The following ILDR2 variants were observed in gnomAD, a reference collection of about 807,000 sequenced individuals.
The protein encoded by ILDR2 is immunoglobulin-like domain-containing receptor 2.
Under a neutral mutation model 66.8 loss-of-function variants are expected in ILDR2, and 25 were observed. The observed-to-expected ratio is 0.37, with a 90% CI of 0.27 to 0.52. The LOEUF (loss-of-function observed/expected upper bound fraction) is 0.52, where lower values mean the gene tolerates loss of function less well. Ranked by LOEUF, ILDR2 falls within the 20% of genes least tolerant of loss-of-function variation. The pLI is 0.88. For missense variants in ILDR2, 827 were observed against 876.8 expected, an observed-to-expected ratio of 0.94 and a Z score of 0.72; for synonymous variants, 367 against 357.2, an observed-to-expected ratio of 1.03 and a Z score of -0.31.
At chr1:166,907,207 G>A (rs960471541), downstream of ILDR2, 4 of 152,202 alleles carry the variant, frequency 2.6e-5, no homozygotes, top group African/African-American at 9.7e-5. Flanking sequence ...AAAAAAATGT[G>A]TTGATGAGTT....
At chr1:166,946,284 C>T (rs1661606091) in intron 3 of ILDR2, among the ~76,000 whole-genome samples, 1 of 152,088 alleles carries the variant, frequency 6.6e-6, no homozygotes, top group South Asian at 2.1e-4. Flanking sequence ...ATATAGCCCC[C>T]TTTTCTTTTA....
At position 166,913,318 on chromosome 1, in the gene ILDR2, G is replaced by A. The variant is rs565398543; in HGVS notation, c.*6037C>T. On this transcript the variant is annotated 3_prime_UTR_variant, in exon 10 of 10. Coordinates refer to ENST00000271417, the MANE Select transcript of ILDR2 (RefSeq NM_199351.3). ...GTAATACAAACATTTCAGTTTTGAT[G>A]TCACAAGGCACAAAGACAACTGACA... 2.4e-4 allele frequency: 36 copies of A among 152,118 alleles called. No individual in the cohort carries two copies. The highest frequency in any genetic ancestry group is 3.5e-4 in the Non-Finnish European group (24 of 68,018). The allele number at this position is 152,118 out of a possible 1,614,324, so 9.4% of individuals were successfully genotyped here. A position where few individuals can be genotyped will look rare whatever the true frequency, so the allele number is the denominator to read the frequency against.
chr1:166,967,777 C>CAT (rs1663049692), intron 1 of ILDR2, among the ~76,000 whole-genome samples: 1 of 152,040 alleles, frequency 6.6e-6, no homozygotes, highest in African/African-American at 2.4e-5. Flanking sequence ...AAACAAAACA[C>CAT]ATTTCTCCTC....
chr1:166,943,413 A>G (rs938286027), intron 3 of ILDR2, among the ~76,000 whole-genome samples: 2 of 149,242 alleles, frequency 1.3e-5, no homozygotes, highest in African/African-American at 4.9e-5. Context: ...AATGGCGTAA[A>G]CCCGGGAGGC....
At chr1:166,933,894 G>A (rs1660784419) in intron 6 of ILDR2, among the ~76,000 whole-genome samples, 1 of 152,106 alleles carries the variant, frequency 6.6e-6, no homozygotes, top group African/African-American at 2.4e-5. Context: ...TCCTGGGAGA[G>A]AAAAATACAA....
chr1:166,938,816 TCTTG>T (rs1661136054), intron 4 of ILDR2, among the ~76,000 whole-genome samples: 1 of 152,214 alleles, frequency 6.6e-6, no homozygotes, highest in African/African-American at 2.4e-5. Context: ...CACAGTTCAT[TCTTG>T]CTTCTCTCTG....
At position 166,919,269 on chromosome 1, in the gene ILDR2, G is replaced by A. The variant is rs1659760002; in HGVS notation, c.*86C>T. 9 of 1,273,390 alleles carry A rather than the reference G, an allele frequency of 7.1e-6. No individual in the cohort carries two copies. In the East Asian group the frequency reaches 2.2e-4, roughly 31 times the overall value. 78.9% of individuals were successfully genotyped at this position (1,273,390 alleles called of 1,614,324 possible). A position where few individuals can be genotyped will look rare whatever the true frequency, so the allele number is the denominator to read the frequency against. ...TCTTCCAAGGTGATGGCCAGAGAAG[G>A]TCCTGGGCCTGCTGGTTCTTAGATT... is the stretch of plus-strand genomic sequence containing the variant. On this transcript the variant is annotated 3_prime_UTR_variant, in exon 10 of 10. Coordinates refer to ENST00000271417, the MANE Select transcript of ILDR2 (RefSeq NM_199351.3).
chr1:166,970,819 C>T (rs529427722), intron 1 of ILDR2, among the ~76,000 whole-genome samples: 3 of 152,194 alleles, frequency 2.0e-5, no homozygotes, highest in East Asian at 1.9e-4. Context: ...GGGACAATGC[C>T]GAGCTGGGAG....
At chr1:166,970,625 T>C (rs1663229410) in intron 1 of ILDR2, among the ~76,000 whole-genome samples, 1 of 152,182 alleles carries the variant, frequency 6.6e-6, no homozygotes, top group South Asian at 2.1e-4. Context: ...CTGGTACTAA[T>C]ACTAACACTG....
At chr1:166,900,308 G>A (rs986158244) in intron 2 of ILDR2, among the ~76,000 whole-genome samples, 2 of 148,808 alleles carry the variant, frequency 1.3e-5, no homozygotes, top group East Asian at 2.0e-4. Flanking sequence ...CTCACCCATC[G>A]CCCTCTTCAA....
chr1:166,926,743 TC>T (rs980931961), intron 7 of ILDR2, among the ~76,000 whole-genome samples: 13 of 151,920 alleles, frequency 8.6e-5, no homozygotes, highest in African/African-American at 2.9e-4. Flanking sequence ...GGTTCTTTAT[TC>T]AAAGAAAGTT....
At chr1:166,934,502 A>G (rs1010131640) in intron 6 of ILDR2, among the ~76,000 whole-genome samples, 1 of 152,062 alleles carries the variant, frequency 6.6e-6, no homozygotes, top group African/African-American at 2.4e-5. Flanking sequence ...CTCTGGCTCT[A>G]CTGTCTCCCA....
intron 6 of ILDR2, among the ~76,000 whole-genome samples, chr1:166,934,172 C>T (rs529832322): frequency 6.6e-6 from 1 of 152,216 alleles, no homozygotes; most frequent in East Asian, 1.9e-4. Flanking sequence ...TAATGCCCCT[C>T]CACCTCTCCA....
In ILDR2 at chr1:166,936,856, TC is replaced by T; in HGVS notation, c.557-120del. The T allele has an allele frequency of 2.1e-6, 2 of 949,684 alleles. No individual in the cohort carries two copies. Among genetic ancestry groups the T allele is most frequent in the Non-Finnish European group, 3.2e-6 (2 of 619,154 alleles). The allele number at this position is 949,684 out of a possible 1,614,324, so 58.8% of individuals were successfully genotyped here. On this transcript the variant is annotated intron_variant, in intron 4 of 9. Coordinates refer to ENST00000271417, the MANE Select transcript of ILDR2 (RefSeq NM_199351.3). The surrounding 1 kb of genome is among the most constrained non-coding windows in gnomAD (Gnocchi z 5.0). ...GAGGAGGGACCTAGGGAAGAAAGCTTCTCTTAACAGGAGACAGAGCCCCAAC... is the reference window on the plus strand; with the variant it reads ...GAGGAGGGACCTAGGGAAGAAAGCTTTCTTAACAGGAGACAGAGCCCCAAC...
intron 1 of ILDR2, among the ~76,000 whole-genome samples, chr1:166,961,975 T>G (rs1042717331): frequency 6.6e-6 from 1 of 152,180 alleles, no homozygotes; most frequent in Non-Finnish European, 1.5e-5. Flanking sequence ...TGTATACATG[T>G]ACAGGCACAA....
chr1:166,898,747 C>T (rs1364963805), intron 2 of ILDR2, among the ~76,000 whole-genome samples: 1 of 152,030 alleles, frequency 6.6e-6, no homozygotes, highest in Non-Finnish European at 1.5e-5. Context: ...CTAGTATGTA[C>T]TTAGTGTTAA....
intron 5 of ILDR2, among the ~76,000 whole-genome samples, chr1:166,935,733 T>A (rs1187031084): frequency 6.6e-6 from 1 of 152,194 alleles, no homozygotes; most frequent in African/African-American, 2.4e-5. Flanking sequence ...AATTAAGTGG[T>A]TCTGGGAGCT....
intron 4 of ILDR2, among the ~76,000 whole-genome samples, chr1:166,938,170 C>G (rs573555227): frequency 1.8e-3 from 269 of 152,338 alleles, no homozygotes; most frequent in African/African-American, 5.8e-3. Context: ...TAGCAGAAGG[C>G]TTTGGCCTAA....
chr1:166,939,585 A>G lies in ILDR2; in HGVS notation c.500-15T>C. On this transcript the variant is annotated splice_polypyrimidine_tract_variant and intron_variant, in intron 3 of 9. Transcript: ENST00000271417. Reference sequence around the variant, plus strand: ...CCCTGTCCTGCCTAGAAGAAGTGGAAGGAAAAGAAGAAGGAAAGTGGTTAT... The same window carrying G: ...CCCTGTCCTGCCTAGAAGAAGTGGAGGGAAAAGAAGAAGGAAAGTGGTTAT... The G allele has an allele frequency of 6.2e-7, 1 of 1,612,968 alleles. No individual in the cohort carries two copies. Among genetic ancestry groups the G allele is most frequent in the South Asian group, 1.1e-5 (1 of 91,018 alleles).
Sources: allele counts gnomAD v4.1 joint callset (sites outside exome capture counted in the v4.1 genomes callset), GRCh38; gene constraint gnomAD v4.1.1; non-coding constraint Gnocchi (gnomAD v3.1); transcripts MANE v1.5; gene names NCBI Gene and HGNC (gene_info 2026-07-23, HGNC 2026-07-21).